ZBED6: variants seen among roughly 807,000 people sequenced by gnomAD.
The protein encoded by ZBED6 is zinc finger BED-type containing 6.
Under a neutral mutation model 58.4 loss-of-function variants are expected in ZBED6, and 40 were observed. The observed-to-expected ratio is 0.68, with a 90% CI of 0.53 to 0.89. The LOEUF is 0.89. Ranked by LOEUF, ZBED6 falls within the 40% of genes least tolerant of loss-of-function variation. The pLI, the probability that ZBED6 is intolerant of heterozygous loss-of-function variation, is 0.00. For missense variants in ZBED6, 1,057 were observed against 1,003.9 expected (o/e 1.05, Z -0.71); for synonymous variants, 439 against 350.6 (o/e 1.25, Z -2.82).
At chr1:203,833,810 A>G in exon 9 of ZBED6, 1 of 1,609,552 alleles carries the variant, frequency 6.2e-7, no homozygotes. Flanking sequence ...CCTTGGTTAG[A>G]TTGAGTCTTA....
At chr1:203,799,680 C>T in exon 1 of ZBED6, 1 of 708,376 alleles carries the variant, frequency 1.4e-6, no homozygotes, top group South Asian at 1.5e-5. Context: ...CCATCATCTA[C>T]TCCTTTCCCT....
Sources: gnomAD v4.1 joint callset for allele counts on GRCh38, gnomAD v4.1.1 for gene constraint, MANE v1.5 for transcripts, NCBI Gene and HGNC (gene_info 2026-07-23, HGNC 2026-07-21) for gene names.